The following TJP1 variants were observed in gnomAD, a reference collection of about 807,000 sequenced individuals.
TJP1 encodes the protein tight junction protein ZO-1.
A neutral mutation model predicts 194.2 loss-of-function variants in TJP1; 43 were observed. The observed-to-expected ratio is 0.22, with a 90% CI of 0.17 to 0.29. TJP1 has a LOEUF of 0.29. Among genes scored for constraint, TJP1 ranks in the 10% least tolerant of loss-of-function variants. The pLI is 1.00. For missense variants in TJP1, 1,971 were observed against 2,185.7 expected (o/e 0.90, Z 1.96); for synonymous variants, 801 against 779.0 (o/e 1.03, Z -0.47).
At chr15:29,767,037 A>G (rs1419984597) in intron 4 of TJP1, among the ~76,000 whole-genome samples, 1 of 152,186 alleles carries the variant, frequency 6.6e-6, no homozygotes, top group Non-Finnish European at 1.5e-5. Context: ...CCGCACTAAC[A>G]TTCAATAATA....
At chr15:29,744,793 A>G (rs2044656996) in intron 8 of TJP1, among the ~76,000 whole-genome samples, 1 of 152,228 alleles carries the variant, frequency 6.6e-6, no homozygotes, top group Non-Finnish European at 1.5e-5. Flanking sequence ...TACTCTAGTC[A>G]TCAGCATTCC....
intron 2 of TJP1, 100 bp downstream of exon 2, chr15:29,800,546 T>G: frequency 1.8e-6 from 2 of 1,142,268 alleles, no homozygotes; most frequent in South Asian, 2.9e-5. Context: ...AAAAGTTTCC[T>G]CCTCCCTCTG....
At chr15:29,853,350 A>G (rs1596110549) in intron 2 of TJP1, among the ~76,000 whole-genome samples, 2 of 152,356 alleles carry the variant, frequency 1.3e-5, no homozygotes, top group Admixed American at 1.3e-4. Context: ...GATAGTAGAT[A>G]CGTGAACCAA....
intron 2 of TJP1, among the ~76,000 whole-genome samples, chr15:29,916,090 C>T (rs545149154): frequency 6.6e-6 from 1 of 151,960 alleles, no homozygotes; most frequent in East Asian, 1.9e-4. Context: ...ACAAAAAATA[C>T]AAAAATTAGC....
chr15:29,821,025 A>G (rs2050298727), intron 1 of TJP1, among the ~76,000 whole-genome samples: 2 of 152,210 alleles, frequency 1.3e-5, no homozygotes, highest in Non-Finnish European at 2.9e-5. Context: ...GTATCTCGAT[A>G]CTATTTGAAG....
chr15:29,817,682 C>A (rs1234649393), intron 1 of TJP1, among the ~76,000 whole-genome samples: 1 of 152,174 alleles, frequency 6.6e-6, no homozygotes, highest in Non-Finnish European at 1.5e-5. Flanking sequence ...ATGTCCTTTG[C>A]AGGGACACGG....
At chr15:29,854,648 T>A (rs541974790) in intron 2 of TJP1, among the ~76,000 whole-genome samples, 1 of 152,272 alleles carries the variant, frequency 6.6e-6, no homozygotes, top group South Asian at 2.1e-4. Flanking sequence ...GTAAAACTAT[T>A]TCTATTGCTA....
chr15:29,917,434 A>G (rs928237206), intron 2 of TJP1, among the ~76,000 whole-genome samples: 1 of 152,152 alleles, frequency 6.6e-6, no homozygotes, highest in Admixed American at 6.5e-5. Context: ...ACCCCTGCCA[A>G]AAACAATATA....
intron 2 of TJP1, among the ~76,000 whole-genome samples, chr15:29,953,209 T>C (rs904367996): frequency 7.2e-6 from 1 of 139,286 alleles, no homozygotes; most frequent in African/African-American, 2.6e-5. Context: ...TGGCACCATC[T>C]TGGCTCACTG....
At chr15:29,739,493 G>C (rs903868765) in intron 10 of TJP1, among the ~76,000 whole-genome samples, 3 of 152,136 alleles carry the variant, frequency 2.0e-5, no homozygotes, top group African/African-American at 7.2e-5. Context: ...ACCCAGGCTG[G>C]AGTGCAGTGG....
At chr15:29,772,224 G>A (rs1434187432) in intron 3 of TJP1, 58 bp from the exon 4 acceptor site, 10 of 1,079,174 alleles carry the variant, frequency 9.3e-6, no homozygotes, top group Admixed American at 2.4e-5. Context: ...GTAAGTTTAT[G>A]ATGATATTTC....
chr15:29,711,364 G>T (rs2042232756), intron 23 of TJP1, among the ~76,000 whole-genome samples: 1 of 152,036 alleles, frequency 6.6e-6, no homozygotes, highest in Admixed American at 6.6e-5. Flanking sequence ...ATTTTCCTGA[G>T]ACCCACTTTT....
intron 1 of TJP1, among the ~76,000 whole-genome samples, chr15:29,802,568 G>GT (rs56088390): frequency 0.13 from 17,655 of 141,038 alleles, 1,157 homozygotes; most frequent in South Asian, 0.15. Context: ...AAACAAAGCT[G>GT]TTTTTTTTTT....
chr15:29,903,147 T>C (rs929746120), intron 2 of TJP1, among the ~76,000 whole-genome samples: 3 of 151,952 alleles, frequency 2.0e-5, no homozygotes, highest in Admixed American at 1.3e-4. Context: ...ATACATACAC[T>C]TGGCGGCTTC....
intron 2 of TJP1, among the ~76,000 whole-genome samples, chr15:29,941,162 G>A (rs1041999207): frequency 6.6e-5 from 10 of 152,182 alleles, no homozygotes; most frequent in African/African-American, 1.7e-4. Context: ...TCCTACGACC[G>A]CAGGCAGGCC....
intron 1 of TJP1, among the ~76,000 whole-genome samples, chr15:29,801,289 C>G (rs2048762802): frequency 6.6e-6 from 1 of 152,026 alleles, no homozygotes; most frequent in Admixed American, 6.5e-5. Context: ...ATGTATCACA[C>G]ACGTAGATAC....
chr15:29,879,140 A>T (rs1024423128), intron 2 of TJP1, among the ~76,000 whole-genome samples: 20 of 152,232 alleles, frequency 1.3e-4, no homozygotes, highest in Admixed American at 8.5e-4. Flanking sequence ...ATAATAATAA[A>T]AAAATAAAAA....
intron 2 of TJP1, among the ~76,000 whole-genome samples, chr15:29,832,405 C>T (rs1421935077): frequency 6.6e-6 from 1 of 152,212 alleles, no homozygotes; most frequent in Non-Finnish European, 1.5e-5. Flanking sequence ...GCAAGTCTAG[C>T]TGTCTGAGCC....
chr15:29,746,554 A>G (rs868274593), intron 8 of TJP1, among the ~76,000 whole-genome samples: 17 of 152,172 alleles, frequency 1.1e-4, no homozygotes, highest in African/African-American at 4.1e-4. Context: ...AATAAGCAAC[A>G]GTGGTTCACC....
Sources: allele counts gnomAD v4.1 joint callset (sites outside exome capture counted in the v4.1 genomes callset), GRCh38; gene constraint gnomAD v4.1.1; transcripts MANE v1.5; gene names NCBI Gene and HGNC (gene_info 2026-07-23, HGNC 2026-07-21).